NCK2: variants seen among roughly 807,000 people sequenced by gnomAD.
NCK2 encodes NCK adaptor protein 2.
A neutral mutation model predicts 33.9 loss-of-function variants in NCK2; 16 were observed. The ratio of observed to expected loss-of-function variants is 0.47; its 90% CI spans 0.32 to 0.72. The LOEUF (loss-of-function observed/expected upper bound fraction) is 0.72. Ranked by LOEUF, NCK2 falls within the 30% of genes least tolerant of loss-of-function variation. The pLI, the probability that NCK2 is intolerant of heterozygous loss-of-function variation, is 0.03. For missense variants in NCK2, 418 were observed against 537.3 expected (o/e 0.78, Z 2.19); for synonymous variants, 273 against 239.9 (o/e 1.14, Z -1.27).
At chr2:105,800,944 G>C (rs1191324896) in intron 1 of NCK2, among the ~76,000 whole-genome samples, 1 of 152,120 alleles carries the variant, frequency 6.6e-6, no homozygotes, top group Non-Finnish European at 1.5e-5. Context: ...TTCTTTGAGG[G>C]GTCTTGAAGG....
chr2:105,805,802 T>TTG (rs575603685), intron 1 of NCK2, among the ~76,000 whole-genome samples: 26 of 152,340 alleles, frequency 1.7e-4, no homozygotes, highest in Non-Finnish European at 3.1e-4. Flanking sequence ...AATAATATTC[T>TTG]TGTGTGTGTA....
At chr2:105,850,821 C>T (rs1015404140) in intron 2 of NCK2, among the ~76,000 whole-genome samples, 4 of 152,064 alleles carry the variant, frequency 2.6e-5, no homozygotes, top group Admixed American at 2.0e-4. Context: ...GGAAATTTGT[C>T]AGTTTGTATG....
chr2:105,881,390 G>A lies in NCK2; in HGVS notation c.289G>A (p.Ala97Thr). The stretch of plus-strand genomic sequence containing the variant: ...TGCGTCCCCCACGCCCAGCACGGAC[G>A]CCGAGTACCCCGCCAATGGCAGCGG... ...RDASPTPSTD[A>T]EYPANGSGAD... Residue 97 changes from alanine to threonine, a missense_variant, in exon 4 of 5, where the codon GCC (alanine) becomes ACC (threonine). Ala to Thr is a moderately conservative substitution (Grantham distance 58). Coordinates refer to ENST00000233154, the MANE Select transcript of NCK2 (RefSeq NM_003581.5). 1.2e-6 allele frequency: 2 copies of A among 1,611,310 alleles called. No individual in the cohort carries two copies. The highest frequency in any genetic ancestry group is 2.2e-5 in the East Asian group (1 of 44,868).
chr2:105,882,298 C>T (rs1463054224), intron 4 of NCK2, among the ~76,000 whole-genome samples: 1 of 152,162 alleles, frequency 6.6e-6, no homozygotes, highest in East Asian at 1.9e-4. Flanking sequence ...GGTGGTTCTG[C>T]TTCTCTCCCA....
At chr2:105,752,180 C>CT (rs1217081102) in intron 1 of NCK2, among the ~76,000 whole-genome samples, 1 of 152,158 alleles carries the variant, frequency 6.6e-6, no homozygotes, top group Non-Finnish European at 1.5e-5. Context: ...AGTCTATACA[C>CT]TTTTCATGAT....
chr2:105,848,870 C>T (rs1041975258), intron 2 of NCK2, among the ~76,000 whole-genome samples: 4 of 152,212 alleles, frequency 2.6e-5, no homozygotes, highest in African/African-American at 4.8e-5. Flanking sequence ...TTGAATAATT[C>T]AGACTGCATG....
At chr2:105,848,531 T>C (rs1676937001) in intron 2 of NCK2, 1 of 152,230 alleles carries the variant, frequency 6.6e-6, no homozygotes, top group Non-Finnish European at 1.5e-5. Context: ...GAGTCAGCCA[T>C]GCTCAGTGGG....
At chr2:105,751,560 A>C (rs1689457148) in intron 1 of NCK2, among the ~76,000 whole-genome samples, 1 of 152,158 alleles carries the variant, frequency 6.6e-6, no homozygotes. Flanking sequence ...ACACATGCTG[A>C]GCTACAAGTC....
chr2:105,794,490 T>G (rs917148309), intron 1 of NCK2, among the ~76,000 whole-genome samples: 1 of 152,068 alleles, frequency 6.6e-6, no homozygotes, highest in Non-Finnish European at 1.5e-5. Context: ...ACCAATATAA[T>G]TGCAAACCAT....
At chr2:105,791,892 T>C (rs1035262023) in intron 1 of NCK2, among the ~76,000 whole-genome samples, 1 of 152,354 alleles carries the variant, frequency 6.6e-6, no homozygotes, top group Middle Eastern at 3.4e-3. Flanking sequence ...TTTTTCTTTT[T>C]GGGAGGAGCA....
intron 1 of NCK2, among the ~76,000 whole-genome samples, chr2:105,802,140 T>C (rs551056552): frequency 1.3e-4 from 20 of 152,174 alleles, no homozygotes; most frequent in Non-Finnish European, 2.6e-4. Flanking sequence ...ATGGGGACCA[T>C]CTGGGAGTGA....
At chr2:105,803,685 G>A (rs1674928255) in intron 1 of NCK2, among the ~76,000 whole-genome samples, 2 of 152,152 alleles carry the variant, frequency 1.3e-5, no homozygotes, top group South Asian at 4.1e-4. Context: ...CACACTTGTG[G>A]TCCAGTTATG....
intron 1 of NCK2, among the ~76,000 whole-genome samples, chr2:105,766,309 C>T (rs1313285513): frequency 6.6e-6 from 1 of 152,088 alleles, no homozygotes; most frequent in East Asian, 1.9e-4. Context: ...CTTCTCTCAC[C>T]TCTTTTAGGT....
chr2:105,890,920 G>A (rs1678945247), intron 4 of NCK2, among the ~76,000 whole-genome samples: 2 of 152,244 alleles, frequency 1.3e-5, no homozygotes, highest in Non-Finnish European at 2.9e-5. Context: ...GAGCAGGGCT[G>A]AGCTGCTGGA....
intron 1 of NCK2, among the ~76,000 whole-genome samples, chr2:105,773,203 C>T (rs1465078816): frequency 2.0e-5 from 3 of 151,924 alleles, no homozygotes; most frequent in Admixed American, 1.3e-4. Context: ...ATCTGGCCGT[C>T]ACTCACCTTT....
chr2:105,861,639 C>T (rs565506448), intron 3 of NCK2, among the ~76,000 whole-genome samples: 2 of 151,782 alleles, frequency 1.3e-5, no homozygotes, highest in East Asian at 1.9e-4. Context: ...TTCAGCCTCC[C>T]TAGTAGCTGG....
intron 2 of NCK2, chr2:105,847,308 AG>A (rs1676887206): frequency 6.6e-6 from 1 of 151,680 alleles, no homozygotes; most frequent in African/African-American, 2.4e-5. Context: ...GTTAATCTGC[AG>A]GGGTTGGGTG....
At chr2:105,772,686 C>T (rs1690172698) in intron 1 of NCK2, among the ~76,000 whole-genome samples, 1 of 152,126 alleles carries the variant, frequency 6.6e-6, no homozygotes, top group Non-Finnish European at 1.5e-5. Flanking sequence ...CAGGGAGGCT[C>T]AGAGGCATTA....
At chr2:105,754,641 A>G (rs1229373289) in intron 1 of NCK2, among the ~76,000 whole-genome samples, 41 of 149,544 alleles carry the variant, frequency 2.7e-4, no homozygotes, top group Non-Finnish European at 5.5e-4. Context: ...GGTTGGGGGG[A>G]GCTGCTGCAT....
Sources: allele counts gnomAD v4.1 joint callset (sites outside exome capture counted in the v4.1 genomes callset), GRCh38; gene constraint gnomAD v4.1.1; transcripts MANE v1.5; gene names NCBI Gene and HGNC (gene_info 2026-07-23, HGNC 2026-07-21).